Variants in SPAG8 observed in about 807,000 individuals in gnomAD.
SPAG8 encodes the protein sperm-associated antigen 8.
Under a neutral mutation model 45.3 loss-of-function variants are expected in SPAG8, and 36 were observed. The ratio of observed to expected loss-of-function variants is 0.80; its 90% CI spans 0.61 to 1.05. The LOEUF (loss-of-function observed/expected upper bound fraction) is 1.05, where lower values mean the gene tolerates loss of function less well. Ranked by LOEUF, SPAG8 falls within the 50% of genes least tolerant of loss-of-function variation. The pLI is 0.00. For missense variants in SPAG8, 573 were observed against 609.2 expected (o/e 0.94, Z 0.63); for synonymous variants, 227 against 232.6 (o/e 0.98, Z 0.22).
chr9:35,811,703 G>T lies in SPAG8; in HGVS notation c.343C>A (p.Pro115Thr). 6.2e-7 allele frequency: 1 copy of T among 1,614,240 alleles called. No homozygotes were observed. ...NIAHGSLGFE[P>T]VYVSCIAQDT... ...TGAGCAATACAGGAAACATAGACGGGCTCAAAGCCAAGACTCCCATGGGCT... is the reference window on the plus strand; with the variant it reads ...TGAGCAATACAGGAAACATAGACGGTCTCAAAGCCAAGACTCCCATGGGCT... The change falls in exon 2 of 7, where the codon CCC becomes ACC. Residue 115 changes from proline (P) to threonine (T), a missense_variant. Pro to Thr is a conservative substitution (Grantham distance 38). Transcript: ENST00000396638.
downstream of SPAG8, chr9:35,809,156 C>A: frequency 6.2e-7 from 1 of 1,613,346 alleles, no homozygotes; most frequent in Non-Finnish European, 8.5e-7. This position sits in a 1 kb window ranked among gnomAD's most constrained non-coding sequence, Gnocchi z 4.1. Flanking sequence ...CCCACCCCAG[C>A]GCTGAAGATC....
At position 35,811,908 on chromosome 9, in the gene SPAG8, A is replaced by C. The variant is rs1211845120; in HGVS notation, c.138T>G (p.Ala46=). ...CAGCCGCTGCAGCTGCTGCGGTTGC[A>C]GCTGCCAGGGCCGACCTGGGACTGT... is the stretch of plus-strand genomic sequence containing the variant. ...SDDSPRSALA[A]ATAAAAAAAS... is the part of the protein sequence containing the mutation. Residue 46 remains alanine, a synonymous_variant, in exon 2 of 7, where the codon GCT becomes GCG. Transcript: ENST00000396638. 6.2e-7 allele frequency: 1 copy of C among 1,609,882 alleles called. No individual in the cohort carries two copies. Among genetic ancestry groups the C allele is most frequent in the Non-Finnish European group, 8.5e-7 (1 of 1,177,010 alleles).
Position 35,809,992 on chromosome 9 carries a change from A to T in SPAG8, c.1404T>A (p.Leu468=), listed in dbSNP as rs1157344846. 2 of 1,609,536 alleles carry T rather than the reference A, an allele frequency of 1.2e-6. No individual in the cohort carries two copies. The highest frequency in any genetic ancestry group is 1.7e-6 in the Non-Finnish European group (2 of 1,177,718). The part of the protein sequence containing the change: ...YPYQLGEISS[L]PCPGGRLGGG... ...CACCCAGCCTTCCTCCGGGACAGGG[A>T]AGGGAAGATATTTCTCCCAATTGGT... The change falls in exon 7 of 7, where the codon CTT becomes CTA. Residue 468 remains leucine, a synonymous_variant. Transcript: ENST00000396638. This position sits in a 1 kb window ranked among gnomAD's most constrained non-coding sequence, Gnocchi z 4.1.
Position 35,812,011 on chromosome 9 carries a change from A to G in SPAG8, c.45-10T>C, listed in dbSNP as rs753409102. The G allele has an allele frequency of 1.2e-6, 2 of 1,604,788 alleles. No homozygotes were observed. The highest frequency in any genetic ancestry group is 1.7e-5 in the Admixed American group (1 of 57,928). ...CTGTATGTCTAAAGATCTGAAAGAA[A>G]GCAAACACGACATGGCTGTCAAAAG... is the stretch of plus-strand genomic sequence containing the variant. On this transcript the variant is annotated splice_polypyrimidine_tract_variant and intron_variant, in intron 1 of 6. Coordinates refer to ENST00000396638, the MANE Select transcript of SPAG8 (RefSeq NM_001039592.2).
At position 35,811,258 on chromosome 9, in the gene SPAG8, T is replaced by C; in HGVS notation, c.788A>G (p.Asp263Gly). The change falls in exon 2 of 7, where the codon GAC becomes GGC. Residue 263 changes from aspartate to glycine, a missense_variant. Physicochemically the swap from Asp to Gly is moderately conservative, Grantham distance 94. Coordinates refer to ENST00000396638, the MANE Select transcript of SPAG8 (RefSeq NM_001039592.2). ...PGARGLWKPP[D>G]IKGKLMVCYE... is the part of the protein sequence containing the mutation. ...GCAAACCATAAGCTTCCCTTTAATG[T>C]CTGGGGGTTTCCATAGTCCTCGGGC... 1.2e-6 allele frequency: 2 copies of C among 1,612,564 alleles called. No individual in the cohort carries two copies. The highest frequency in any genetic ancestry group is 1.3e-5 in the African/African-American group (1 of 74,938).
chr9:35,811,330 G>A lies in SPAG8; in HGVS notation c.716C>T (p.Pro239Leu), dbSNP rs758467156. 45 of 1,614,190 alleles carry A rather than the reference G, an allele frequency of 2.8e-5. No homozygotes were observed. The highest frequency in any genetic ancestry group is 3.6e-5 in the Non-Finnish European group (42 of 1,180,028). Residue 239 changes from proline (P) to leucine (L), a missense_variant, in exon 2 of 7, where the codon CCC (proline) becomes CTC (leucine). Physicochemically the swap from Pro to Leu is moderately conservative, Grantham distance 98. Transcript: ENST00000396638. ...TSWSQHCPWEPQKQPPWEFLQ... is the reference protein window; with the variant it reads ...TSWSQHCPWELQKQPPWEFLQ... ...AAATTCCCAAGGTGGTTGTTTCTGG[G>A]GCTCCCAGGGGCAGTGCTGACTCCA...
chr9:35,812,209 A>G lies in SPAG8; in HGVS notation c.-62T>C. 2 of 1,578,718 alleles carry G rather than the reference A, an allele frequency of 1.3e-6. No individual in the cohort carries two copies. The highest frequency in any genetic ancestry group is 1.7e-6 in the Non-Finnish European group (2 of 1,165,128). ...CAAACAACTCCTGGAGCCTGCGCAGAAGTACAGCTGGGCGGACTTGCAGGT... is the reference window on the plus strand; with the variant it reads ...CAAACAACTCCTGGAGCCTGCGCAGGAGTACAGCTGGGCGGACTTGCAGGT... On this transcript the variant is annotated 5_prime_UTR_variant, in exon 1 of 7. Transcript: ENST00000396638.
chr9:35,809,762 G>A, downstream of SPAG8: 1 of 1,520,042 alleles, frequency 6.6e-7, no homozygotes, highest in East Asian at 2.3e-5. This position sits in a 1 kb window ranked among gnomAD's most constrained non-coding sequence, Gnocchi z 4.1. Flanking sequence ...CCCAAGGAAA[G>A]GTTATGGGGT....
chr9:35,807,913 G>A (rs2132097221), downstream of SPAG8: 3 of 487,424 alleles, frequency 6.2e-6, no homozygotes, highest in South Asian at 7.7e-5. Flanking sequence ...TGTTTTATCT[G>A]TAAGATGGGA....
chr9:35,809,264 G>A (rs1828616559), downstream of SPAG8: 1 of 1,613,040 alleles, frequency 6.2e-7, no homozygotes, highest in Admixed American at 1.7e-5. This position sits in a 1 kb window ranked among gnomAD's most constrained non-coding sequence, Gnocchi z 4.1. Context: ...GCAGGCCATG[G>A]GGAGGGGGGC....
chr9:35,808,636 G>A (rs145008570), downstream of SPAG8: 193 of 1,613,768 alleles, frequency 1.2e-4, no homozygotes, highest in Non-Finnish European at 1.4e-4. This position sits in a 1 kb window ranked among gnomAD's most constrained non-coding sequence, Gnocchi z 4.0. Context: ...TTTCGCATCC[G>A]CCACCGACCC....
At chr9:35,809,147 C>G, downstream of SPAG8, 4 of 1,612,094 alleles carry the variant, frequency 2.5e-6, no homozygotes, top group Non-Finnish European at 3.4e-6. This position sits in a 1 kb window ranked among gnomAD's most constrained non-coding sequence, Gnocchi z 4.1. Context: ...CCCATTCCAC[C>G]CACCCCAGCG....
downstream of SPAG8, chr9:35,808,917 T>C (rs1828583876): frequency 9.2e-7 from 1 of 1,092,168 alleles, no homozygotes; most frequent in East Asian, 2.4e-5. The surrounding 1 kb of genome is among the most constrained non-coding windows in gnomAD (Gnocchi z 4.0). Flanking sequence ...CTTCTTTTCA[T>C]AATCCCTCCA....
chr9:35,810,350 T>A (rs1371344386), intron 5 of SPAG8, 41 bp from the exon 6 acceptor site: 2 of 1,612,490 alleles, frequency 1.2e-6, no homozygotes, highest in South Asian at 2.2e-5. Context: ...CCTTCAGCCC[T>A]CTCTCTCAAC....
At chr9:35,807,963 G>A (rs1187817583), downstream of SPAG8, 3 of 570,386 alleles carry the variant, frequency 5.3e-6, no homozygotes, top group Admixed American at 9.7e-5. Context: ...AACATTGTTT[G>A]GCATGTGGCA....
rs1427157823 is a variant in SPAG8, at chr9:35,812,223, G to A, written c.-76C>T. 6.5e-7 allele frequency: 1 copy of A among 1,537,426 alleles called. No individual in the cohort carries two copies. ...AGCCTGCGCAGAAGTACAGCTGGGC[G>A]GACTTGCAGGTGGCGGTGGAGGCAA... On this transcript the variant is annotated 5_prime_UTR_variant, in exon 1 of 7. Coordinates refer to ENST00000396638, the MANE Select transcript of SPAG8 (RefSeq NM_001039592.2).
downstream of SPAG8, chr9:35,809,561 C>CA (rs756198197): frequency 4.5e-6 from 7 of 1,544,018 alleles, no homozygotes; most frequent in Non-Finnish European, 6.3e-6. This position sits in a 1 kb window ranked among gnomAD's most constrained non-coding sequence, Gnocchi z 4.1. Flanking sequence ...AAAACAGCCA[C>CA]AAAAAAACCT....
At position 35,809,882 on chromosome 9, in the gene SPAG8, T is replaced by C. The variant is rs1828677585; in HGVS notation, c.*56A>G. On this transcript the variant is annotated 3_prime_UTR_variant, in exon 7 of 7. Transcript: ENST00000396638. The surrounding 1 kb of genome is among the most constrained non-coding windows in gnomAD (Gnocchi z 4.1). Reference sequence around the variant, plus strand: ...TGAGAATTAACTTCCTCCCGACCTCTCTAGTGCAGACAGAAATAGATTCCA... The same window carrying C: ...TGAGAATTAACTTCCTCCCGACCTCCCTAGTGCAGACAGAAATAGATTCCA... 1 of 1,538,782 alleles carries C rather than the reference T, an allele frequency of 6.5e-7. No homozygotes were observed. Among genetic ancestry groups the C allele is most frequent in the African/African-American group, 1.4e-5 (1 of 72,246 alleles).
chr9:35,811,593 T>C lies in SPAG8; in HGVS notation c.453A>G (p.Ser151=), dbSNP rs1175245431. ...SSSGPVLGSS[S]GAGHGSGSGS... ...CAGAGCCAGAGCCATGGCCAGCACC[T>C]GAGCTGGAACCAAGAACAGGCCCAG... is the stretch of plus-strand genomic sequence containing the variant. The change falls in exon 2 of 7, where the codon TCA becomes TCG. Residue 151 remains serine (S), a synonymous_variant. Transcript: ENST00000396638. 3.1e-6 allele frequency: 5 copies of C among 1,613,750 alleles called. No homozygotes were observed. Among genetic ancestry groups the C allele is most frequent in the African/African-American group, 2.7e-5 (2 of 74,902 alleles).
Sources: gnomAD v4.1 joint callset for allele counts on GRCh38, gnomAD v4.1.1 for gene constraint, Gnocchi (gnomAD v3.1) non-coding constraint, MANE v1.5 for transcripts, NCBI Gene and HGNC (gene_info 2026-07-23, HGNC 2026-07-21) for gene names.